Variants in POLB observed in about 807,000 individuals in gnomAD.
The protein encoded by POLB is DNA polymerase beta, also known as 5'-dRP lyase.
A neutral mutation model predicts 52.7 loss-of-function variants in POLB; 37 were observed. The observed-to-expected ratio is 0.70, with a 90% CI of 0.54 to 0.92. POLB has a LOEUF of 0.92. POLB is among the 40% of genes least tolerant of loss of function. The pLI, the probability that POLB is intolerant of heterozygous loss-of-function variation, is 0.00. For synonymous variants in POLB, 138 were observed against 131.3 expected, an observed-to-expected ratio of 1.05 and a Z score of -0.35; for missense variants, 313 against 400.8, an observed-to-expected ratio of 0.78 and a Z score of 1.87.
chr8:42,358,399 G>A (rs1335756034), intron 9 of POLB, among the ~76,000 whole-genome samples: 2 of 151,990 alleles, frequency 1.3e-5, no homozygotes, highest in South Asian at 2.1e-4. Context: ...CTCCTCGGGC[G>A]GCTGAGGCAG....
chr8:42,355,001 A>G (rs2130815102), intron 6 of POLB, among the ~76,000 whole-genome samples: 1 of 152,254 alleles, frequency 6.6e-6, no homozygotes, highest in East Asian at 1.9e-4. Context: ...TTAAACCACT[A>G]TAGTCAGTAA....
intron 9 of POLB, among the ~76,000 whole-genome samples, chr8:42,360,009 G>A (rs1420642838): frequency 6.6e-6 from 1 of 151,306 alleles, no homozygotes; most frequent in Non-Finnish European, 1.5e-5. Flanking sequence ...GTGCAGTGGT[G>A]TGATCTCAGC....
chr8:42,346,343 T>C (rs1348677627), intron 3 of POLB, among the ~76,000 whole-genome samples: 2 of 152,000 alleles, frequency 1.3e-5, no homozygotes, highest in African/African-American at 4.8e-5. Flanking sequence ...CTTTTAACCT[T>C]CTCAGGAGAT....
chr8:42,350,103 A>T, intron 5 of POLB, 38 bp downstream of exon 5: 2 of 1,377,980 alleles, frequency 1.5e-6, no homozygotes, highest in Non-Finnish European at 2.1e-6. Context: ...ATCGTCAGTT[A>T]GTTTATTTTT....
intron 6 of POLB, among the ~76,000 whole-genome samples, chr8:42,355,044 G>A (rs900100060): frequency 3.3e-5 from 5 of 151,582 alleles, no homozygotes; most frequent in South Asian, 2.1e-4. Flanking sequence ...TTTTGTTGTC[G>A]TTGTTGTTTT....
At position 42,357,552 on chromosome 8, in the gene POLB, G is replaced by A. The variant is rs1311083787; in HGVS notation, c.550+160G>A. 1.0e-5 allele frequency: 5 copies of A among 500,558 alleles called. No homozygotes were observed. The East Asian group carries it at 1.3e-4, about 13-fold the overall frequency. The allele number at this position is 500,558 out of a possible 1,614,324, so 31.0% of individuals were successfully genotyped here. On this transcript the variant is annotated intron_variant, in intron 9 of 13. Transcript: ENST00000265421. ...GGTATTTGTTTATAGATGGGAATAT[G>A]TAACTAGGGGAAATTCATCCTGATT... is the stretch of plus-strand genomic sequence containing the variant.
At chr8:42,371,231 C>T (rs1251989003) in intron 13 of POLB, among the ~76,000 whole-genome samples, 2 of 152,190 alleles carry the variant, frequency 1.3e-5, no homozygotes, top group African/African-American at 4.8e-5. Context: ...TCAAGCGATT[C>T]TCCTGCCTCA....
At chr8:42,346,199 G>A (rs149369334) in intron 3 of POLB, among the ~76,000 whole-genome samples, 265 of 151,894 alleles carry the variant, frequency 1.7e-3, no homozygotes, top group African/African-American at 6.2e-3. Context: ...TGGGATTATA[G>A]TCGTGAGCCA....
At chr8:42,338,913 G>C in intron 1 of POLB, 99 bp from the exon 2 acceptor site, 1 of 1,102,004 alleles carries the variant, frequency 9.1e-7, no homozygotes, top group Non-Finnish European at 1.4e-6. Flanking sequence ...GAAACGGGTG[G>C]TCACTGTCTC....
At chr8:42,352,141 C>T (rs1293083489) in intron 5 of POLB, among the ~76,000 whole-genome samples, 2 of 152,132 alleles carry the variant, frequency 1.3e-5, no homozygotes, top group Non-Finnish European at 2.9e-5. Flanking sequence ...GTTTATGTAA[C>T]TAACTATTGT....
At chr8:42,345,643 C>G (rs1034092967) in intron 3 of POLB, among the ~76,000 whole-genome samples, 1 of 151,552 alleles carries the variant, frequency 6.6e-6, no homozygotes, top group Non-Finnish European at 1.5e-5. Flanking sequence ...GTTGAATATT[C>G]CTAACCCAAA....
chr8:42,357,728 C>CTTT (rs373576053), intron 9 of POLB: 6 of 145,536 alleles, frequency 4.1e-5, no homozygotes, highest in South Asian at 1.9e-4. Flanking sequence ...TTTCTTTTTC[C>CTTT]TTTTTTTTTT....
intron 12 of POLB, chr8:42,369,645 T>C: frequency 1.9e-6 from 1 of 527,322 alleles, no homozygotes. Flanking sequence ...CCACATCTCT[T>C]TCAGAACAAA....
chr8:42,343,912 C>T (rs767821489), intron 2 of POLB, among the ~76,000 whole-genome samples: 6 of 151,940 alleles, frequency 3.9e-5, no homozygotes, highest in Non-Finnish European at 7.4e-5. Flanking sequence ...GGGCAGATCA[C>T]AAGGTCAGGA....
rs753440722 is a variant in POLB at position 42,349,127 on chromosome 8, A to T, written c.261+37A>T. On this transcript the variant is annotated intron_variant, in intron 4 of 13. Coordinates refer to ENST00000265421, the MANE Select transcript of POLB (RefSeq NM_002690.3). ...ACTTGTTTACTTCATTAATTATAGT[A>T]TCTGCCTTTATGGCCACTATGTAGC... The T allele has an allele frequency of 7.0e-6, 8 of 1,149,572 alleles. No individual in the cohort carries two copies. The African/African-American group carries it at 1.1e-4, about 15-fold the overall frequency. The allele number at this position is 1,149,572 out of a possible 1,614,324, so 71.2% of individuals were successfully genotyped here. A position where few individuals can be genotyped will look rare whatever the true frequency, so the allele number is the denominator to read the frequency against.
At chr8:42,341,331 T>C (rs1381235243) in intron 2 of POLB, among the ~76,000 whole-genome samples, 1 of 152,222 alleles carries the variant, frequency 6.6e-6, no homozygotes, top group African/African-American at 2.4e-5. Flanking sequence ...TACTTGCCTT[T>C]CCTGAAATGA....
chr8:42,366,277 C>T (rs1239683498), intron 11 of POLB, among the ~76,000 whole-genome samples: 1 of 152,158 alleles, frequency 6.6e-6, no homozygotes, highest in Non-Finnish European at 1.5e-5. Context: ...TAGACCCTAT[C>T]TTGACTTCCC....
At position 42,366,424 on chromosome 8, in the gene POLB, T is replaced by A. The variant is rs573999179; in HGVS notation, c.709-2847T>A. ...TTATTTGTTTTTAAAGTATAGAAGA[T>A]TCAGGTGACAATAAGAACAAGAAAC... On this transcript the variant is annotated intron_variant, in intron 11 of 13. Coordinates refer to ENST00000265421, the MANE Select transcript of POLB (RefSeq NM_002690.3). Among the ~76,000 whole-genome samples the A allele has an allele frequency of 6.6e-5, 10 of 152,314 alleles. No homozygotes were observed. In the South Asian group the frequency reaches 2.1e-3, roughly 32 times the overall value.
chr8:42,342,062 T>C (rs1265665219), intron 2 of POLB: 3 of 892,320 alleles, frequency 3.4e-6, no homozygotes, highest in East Asian at 4.8e-5. Context: ...GTTGTGCTTC[T>C]GGTGTAATTC....
Sources: allele counts gnomAD v4.1 joint callset (sites outside exome capture counted in the v4.1 genomes callset), GRCh38; gene constraint gnomAD v4.1.1; transcripts MANE v1.5; gene names NCBI Gene and HGNC (gene_info 2026-07-23, HGNC 2026-07-21).